The following HIPK3 variants were observed in gnomAD, a reference collection of about 807,000 sequenced individuals.
The protein encoded by HIPK3 is homeodomain-interacting protein kinase 3.
In HIPK3, 47 loss-of-function variants were observed where a neutral mutation model predicts 124.2. The observed-to-expected ratio is 0.38, with a 90% CI of 0.30 to 0.48. The LOEUF (loss-of-function observed/expected upper bound fraction) is 0.48, where lower values mean the gene tolerates loss of function less well. Among genes scored for constraint, HIPK3 ranks in the 20% least tolerant of loss-of-function variants. HIPK3 has a pLI of 0.98. For missense variants in HIPK3, 1,286 were observed against 1,454.3 expected, an observed-to-expected ratio of 0.88 and a Z score of 1.88; for synonymous variants, 482 against 515.2, an observed-to-expected ratio of 0.94 and a Z score of 0.87.
At chr11:33,333,029 G>T (rs985205833) in intron 3 of HIPK3, among the ~76,000 whole-genome samples, 5 of 152,040 alleles carry the variant, frequency 3.3e-5, no homozygotes, top group African/African-American at 1.2e-4. Flanking sequence ...CTCACTGTTG[G>T]GGGGACAGCA....
chr11:33,293,059 A>C (rs777440911), intron 2 of HIPK3, among the ~76,000 whole-genome samples: 10 of 152,182 alleles, frequency 6.6e-5, no homozygotes, highest in Non-Finnish European at 1.2e-4. Context: ...TTTCAGCGCC[A>C]TACCTGTGGC....
At chr11:33,290,770 G>T (rs1390712032) in intron 2 of HIPK3, among the ~76,000 whole-genome samples, 1 of 151,812 alleles carries the variant, frequency 6.6e-6, no homozygotes, top group Non-Finnish European at 1.5e-5. Flanking sequence ...TTAGGCCTTT[G>T]CACAAATACT....
At chr11:33,337,884 G>T (rs1025869114) in intron 4 of HIPK3, among the ~76,000 whole-genome samples, 4 of 152,108 alleles carry the variant, frequency 2.6e-5, no homozygotes, top group African/African-American at 9.7e-5. Flanking sequence ...ATGTTGGCCA[G>T]GCTGGTCTTG....
intron 2 of HIPK3, among the ~76,000 whole-genome samples, chr11:33,323,392 C>T (rs1300952292): frequency 6.6e-6 from 1 of 152,144 alleles, no homozygotes; most frequent in African/African-American, 2.4e-5. Flanking sequence ...TACAGGTGCA[C>T]ACCACCACAC....
At position 33,353,382 on chromosome 11, in the gene HIPK3, C is replaced by T. The variant is rs765763672; in HGVS notation, c.3462C>T (p.Ile1154=). ...RPMLQHPTYN[I]SHPSGIVHQV... ...TGTTACAGCATCCAACTTATAATAT[C>T]TCCCATCCCAGTGGCATAGTTCACC... is the stretch of plus-strand genomic sequence containing the variant. Residue 1154 remains isoleucine (I), a synonymous_variant, in exon 17 of 17, where the codon ATC becomes ATT. Transcript: ENST00000303296. 6.2e-7 allele frequency: 1 copy of T among 1,614,168 alleles called. No individual in the cohort carries two copies. Among genetic ancestry groups the T allele is most frequent in the South Asian group, 1.1e-5 (1 of 91,090 alleles).
At chr11:33,330,075 C>A (rs1168645998) in intron 3 of HIPK3, among the ~76,000 whole-genome samples, 1 of 152,020 alleles carries the variant, frequency 6.6e-6, no homozygotes, top group Non-Finnish European at 1.5e-5. Flanking sequence ...AAAACTGAGG[C>A]CCAGAAAAAT....
intron 3 of HIPK3, among the ~76,000 whole-genome samples, chr11:33,334,653 A>T (rs1174408327): frequency 2.4e-4 from 1 of 4,086 alleles, no homozygotes; most frequent in Non-Finnish European, 4.2e-4. Context: ...ATGAGCTTTA[A>T]AAAAAAAAAA....
At chr11:33,272,831 C>T (rs1013995703) in intron 1 of HIPK3, among the ~76,000 whole-genome samples, 3 of 141,732 alleles carry the variant, frequency 2.1e-5, no homozygotes, top group Non-Finnish European at 4.6e-5. Context: ...CTTTCTTCCT[C>T]CCCTCCCCTC....
intron 1 of HIPK3, among the ~76,000 whole-genome samples, chr11:33,262,957 C>T (rs1314330290): frequency 6.6e-6 from 1 of 152,176 alleles, no homozygotes; most frequent in Non-Finnish European, 1.5e-5. Context: ...GCTGAGACTA[C>T]AGGAGGTATC....
At chr11:33,275,004 C>T (rs1279372688) in intron 1 of HIPK3, among the ~76,000 whole-genome samples, 1 of 152,056 alleles carries the variant, frequency 6.6e-6, no homozygotes, top group Non-Finnish European at 1.5e-5. Flanking sequence ...TTAAGTTTTA[C>T]AATGTATGGT....
intron 3 of HIPK3, among the ~76,000 whole-genome samples, chr11:33,333,931 G>GC (rs1853062002): frequency 6.6e-6 from 1 of 152,118 alleles, no homozygotes; most frequent in Non-Finnish European, 1.5e-5. Flanking sequence ...ATTGTTGATG[G>GC]CTTTTCTGTC....
chr11:33,289,187 T>C (rs1169690195), intron 2 of HIPK3, among the ~76,000 whole-genome samples: 1 of 152,158 alleles, frequency 6.6e-6, no homozygotes, highest in Non-Finnish European at 1.5e-5. Flanking sequence ...GGCTGACACC[T>C]GCAATCCCAG....
intron 14 of HIPK3, among the ~76,000 whole-genome samples, chr11:33,351,396 G>A (rs1418855424): frequency 6.6e-6 from 1 of 152,102 alleles, no homozygotes; most frequent in Non-Finnish European, 1.5e-5. Flanking sequence ...TCCTGAAATG[G>A]AACAGAATTA....
At chr11:33,333,484 C>G (rs1188661836) in intron 3 of HIPK3, among the ~76,000 whole-genome samples, 1 of 152,142 alleles carries the variant, frequency 6.6e-6, no homozygotes, top group Non-Finnish European at 1.5e-5. Flanking sequence ...ATCTGATTGA[C>G]TTAGTTTTTT....
At chr11:33,345,207 C>G (rs917077917) in intron 8 of HIPK3, among the ~76,000 whole-genome samples, 1 of 151,960 alleles carries the variant, frequency 6.6e-6, no homozygotes, top group Non-Finnish European at 1.5e-5. Context: ...TATTTAACAT[C>G]TGAGTGTTTT....
At position 33,348,764 on chromosome 11, in the gene HIPK3, C is replaced by T. The variant is rs1273447803; in HGVS notation, c.2612C>T (p.Thr871Ile). Reference protein sequence around the residue: ...DSPSPAVSVITISSDTDEEET... With the variant: ...DSPSPAVSVIIISSDTDEEET... ...CCGAGTCCTGCAGTGAGTGTCATCA[C>T]TATCAGCAGTGACACTGATGAGGAA... Residue 871 changes from threonine to isoleucine, a missense_variant, in exon 13 of 17, where the codon ACT becomes ATT. By Grantham distance (89) the Thr-to-Ile change is moderately conservative (BLOSUM62 -1). Around this residue, in one of 3 missense-constraint regions of HIPK3, gnomAD observed 810 missense variants for 864.9 expected, o/e 0.94. Coordinates refer to ENST00000303296, the MANE Select transcript of HIPK3 (RefSeq NM_005734.5). The T allele has an allele frequency of 3.1e-6, 5 of 1,614,020 alleles. No individual in the cohort carries two copies. In the African/African-American group the frequency reaches 5.3e-5, roughly 17 times the overall value.
chr11:33,285,545 G>A (rs988477008), intron 1 of HIPK3, among the ~76,000 whole-genome samples: 12 of 139,644 alleles, frequency 8.6e-5, no homozygotes, highest in Non-Finnish European at 1.2e-4. Context: ...TGCCATAGGT[G>A]GGGCATAGCG....
At chr11:33,266,534 C>A (rs565976968) in intron 1 of HIPK3, among the ~76,000 whole-genome samples, 13 of 152,096 alleles carry the variant, frequency 8.5e-5, no homozygotes, top group African/African-American at 3.1e-4. Flanking sequence ...CTTTTCCTAC[C>A]GAAAAACAAA....
chr11:33,310,596 A>G (rs1210592573), intron 2 of HIPK3, among the ~76,000 whole-genome samples: 1 of 152,206 alleles, frequency 6.6e-6, no homozygotes, highest in Non-Finnish European at 1.5e-5. Flanking sequence ...GGCATGAGCC[A>G]CCGTGCCCAG....
Sources: allele counts gnomAD v4.1 joint callset (sites outside exome capture counted in the v4.1 genomes callset), GRCh38; gene constraint gnomAD v4.1.1; regional missense constraint gnomAD v4.1.1; transcripts MANE v1.5; gene names NCBI Gene and HGNC (gene_info 2026-07-23, HGNC 2026-07-21).